RFLNA: variants seen among roughly 807,000 people sequenced by gnomAD.
The protein encoded by RFLNA is refilin-A.
In RFLNA, 5 loss-of-function variants were observed where a neutral mutation model predicts 7.8. The ratio of observed to expected loss-of-function variants is 0.64; its 90% confidence interval spans 0.34 to 1.35. The LOEUF is 1.35. Ranked by LOEUF, RFLNA falls within the 40% of genes most tolerant of loss-of-function variation. RFLNA has a pLI of 0.04. For synonymous variants in RFLNA, 141 were observed against 131.3 expected (o/e 1.07, Z -0.50); for missense variants, 278 against 305.5 (o/e 0.91, Z 0.67).
chr12:124,313,505 C>T (rs371273755), intron 2 of RFLNA, among the ~76,000 whole-genome samples: 15 of 152,138 alleles, frequency 9.9e-5, no homozygotes, highest in African/African-American at 3.4e-4. Flanking sequence ...GGTGAAACTC[C>T]GTCTCTACTA....
At chr12:124,293,291 G>T (rs959803998), upstream of RFLNA, among the ~76,000 whole-genome samples, 1 of 152,140 alleles carries the variant, frequency 6.6e-6, no homozygotes, top group East Asian at 1.9e-4. Flanking sequence ...CACCTTGCCC[G>T]CATCCTGCCC....
intron 1 of RFLNA, among the ~76,000 whole-genome samples, chr12:124,311,217 C>T (rs1266054499): frequency 6.6e-6 from 1 of 152,192 alleles, no homozygotes; most frequent in Non-Finnish European, 1.5e-5. Context: ...GATGTGGTGC[C>T]ATTTCTAGAA....
At chr12:124,295,970 G>A (rs2033901223) in intron 1 of RFLNA, among the ~76,000 whole-genome samples, 1 of 151,544 alleles carries the variant, frequency 6.6e-6, no homozygotes. Context: ...TGGCTAGGTG[G>A]GCTTGCGCCC....
At chr12:124,304,523 C>T (rs950191501) in intron 1 of RFLNA, among the ~76,000 whole-genome samples, 1 of 152,230 alleles carries the variant, frequency 6.6e-6, no homozygotes, top group Non-Finnish European at 1.5e-5. Context: ...CCTTTGTCGG[C>T]GCCCACGTTC....
At chr12:124,304,152 C>G (rs112129933) in intron 1 of RFLNA, among the ~76,000 whole-genome samples, 446 of 152,370 alleles carry the variant, frequency 2.9e-3, no homozygotes, top group African/African-American at 9.8e-3. Context: ...TTTCGATGTT[C>G]GAATAGCCCT....
chr12:124,314,166 C>T, intron 2 of RFLNA, 26 bp from the exon 3 acceptor site: 1 of 1,595,458 alleles, frequency 6.3e-7, no homozygotes, highest in African/African-American at 1.3e-5. Flanking sequence ...CCTGGGTTCA[C>T]TCCGCTTCCC....
intron 1 of RFLNA, among the ~76,000 whole-genome samples, chr12:124,309,412 A>G (rs2034197283): frequency 6.6e-6 from 1 of 152,216 alleles, no homozygotes; most frequent in Non-Finnish European, 1.5e-5. Flanking sequence ...TCTGTTTGCC[A>G]CCATGGCAGC....
chr12:124,311,713 C>G, intron 1 of RFLNA, 105 bp from the exon 2 acceptor site: 1 of 1,134,826 alleles, frequency 8.8e-7, no homozygotes, highest in Non-Finnish European at 1.2e-6. Flanking sequence ...GCTTCCAGAC[C>G]AAGCCAGGGC....
intron 1 of RFLNA, among the ~76,000 whole-genome samples, chr12:124,296,833 G>A (rs2033938000): frequency 6.6e-6 from 1 of 152,246 alleles, no homozygotes; most frequent in South Asian, 2.1e-4. Context: ...TCGGCATCAG[G>A]AGGGTTTCAG....
At chr12:124,311,977 T>A in intron 2 of RFLNA, 50 bp downstream of exon 2, 1 of 762,342 alleles carries the variant, frequency 1.3e-6, no homozygotes, top group Non-Finnish European at 2.1e-6. Flanking sequence ...GGGGGTTGGG[T>A]GCTGGTCCTG....
Position 124,302,846 on chromosome 12 carries a change from G to A in RFLNA, c.207+7210G>A, listed in dbSNP as rs546939573. On this transcript the variant is annotated intron_variant, in intron 1 of 2. Transcript: ENST00000546355. ...GGTCAGGGGCCGAGGTCAGAGGGCCGAGGTCAGGGGCCGAGGTCAGGGGCC... is the reference window on the plus strand; with the variant it reads ...GGTCAGGGGCCGAGGTCAGAGGGCCAAGGTCAGGGGCCGAGGTCAGGGGCC... 4.0e-3 allele frequency among the ~76,000 whole-genome samples: 570 copies of A among 141,874 alleles called. 2 individuals carry two copies. Among genetic ancestry groups the A allele is most frequent in the African/African-American group, 0.013 (540 of 40,066 alleles). 93.1% of individuals were successfully genotyped at this position (141,874 alleles called of 152,430 possible). A position where few individuals can be genotyped will look rare whatever the true frequency, so the allele number is the denominator to read the frequency against.
Position 124,296,030 on chromosome 12 carries a change from G to A in RFLNA, c.207+394G>A, listed in dbSNP as rs138541065. Reference sequence around the variant, plus strand: ...CTGGACCCGGCCCCTCTGCTGCTCCGGGTGCCCTGTTTACTGTCCGGGCGC... The same window carrying A: ...CTGGACCCGGCCCCTCTGCTGCTCCAGGTGCCCTGTTTACTGTCCGGGCGC... On this transcript the variant is annotated intron_variant, in intron 1 of 2. Coordinates refer to ENST00000546355, the MANE Select transcript of RFLNA (RefSeq NM_001365156.1). 7.3e-3 allele frequency among the ~76,000 whole-genome samples: 1,104 copies of A among 151,100 alleles called. 15 individuals are homozygous for A. The highest frequency in any genetic ancestry group is 0.025 in the African/African-American group (1,021 of 41,066).
chr12:124,312,316 A>C (rs969958084), intron 2 of RFLNA, among the ~76,000 whole-genome samples: 18 of 144,852 alleles, frequency 1.2e-4, no homozygotes, highest in African/African-American at 4.1e-4. Flanking sequence ...CTCCTGCCAG[A>C]TTTTTTTTTT....
rs796252406 is a variant in RFLNA at position 124,296,112 on chromosome 12, C to CT, written c.207+479dup. On this transcript the variant is annotated intron_variant, in intron 1 of 2. Coordinates refer to ENST00000546355, the MANE Select transcript of RFLNA (RefSeq NM_001365156.1). Reference sequence around the variant, plus strand: ...TCTTTCTTTCTTTCTTTCTTTCTTTCTTTCTTTCTTTCTCTCTCTCTCTCT... The same window carrying CT: ...TCTTTCTTTCTTTCTTTCTTTCTTTCTTTTCTTTCTTTCTCTCTCTCTCTCT... Among the ~76,000 whole-genome samples, 5 of 3,670 alleles carry CT rather than the reference C, an allele frequency of 1.4e-3. No homozygotes were observed. The Non-Finnish European group carries it at 0.017, about 13-fold the overall frequency. The allele number at this position is 3,670 out of a possible 152,430, so 2.4% of individuals were successfully genotyped here.
rs766898022 is a variant in RFLNA at position 124,314,543 on chromosome 12, C to T, written c.*18C>T. ...CGCTCTGACGGGGCTGGGGCCGGCC[C>T]GGGGTGCTGGAGGAGCCGGGAGCCC... On this transcript the variant is annotated 3_prime_UTR_variant, in exon 3 of 3. Transcript: ENST00000546355. 5.2e-5 allele frequency: 81 copies of T among 1,554,130 alleles called. No homozygotes were observed. Among genetic ancestry groups the T allele is most frequent in the Non-Finnish European group, 6.2e-5 (72 of 1,156,384 alleles).
At chr12:124,290,142 A>G (rs1000249135), upstream of RFLNA, among the ~76,000 whole-genome samples, 5 of 152,348 alleles carry the variant, frequency 3.3e-5, no homozygotes, top group African/African-American at 9.6e-5. The surrounding 1 kb of genome is among the most constrained non-coding windows in gnomAD (Gnocchi z 4.0). Flanking sequence ...GGCTCTCCCT[A>G]GGAAAGACAA....
Position 124,314,484 on chromosome 12 carries a change from C to T in RFLNA, c.610C>T (p.Gln204Ter). 6.3e-7 allele frequency: 1 copy of T among 1,596,520 alleles called. No individual in the cohort carries two copies. The highest frequency in any genetic ancestry group is 8.5e-7 in the Non-Finnish European group (1 of 1,178,476). Residue 204 changes from glutamine (Q) to a stop codon, truncating the protein, a stop_gained, in exon 3 of 3, where the codon CAG (glutamine) becomes TAG (stop). Coordinates refer to ENST00000546355, the MANE Select transcript of RFLNA (RefSeq NM_001365156.1). LOFTEE classifies it low-confidence loss of function (END_TRUNC). Reference protein sequence around the residue: ...FTASVQLQLCQDPAPSLLGPA... With the variant: ...FTASVQLQLC ...CGCCAGCGTGCAGCTGCAGCTTTGC[C>T]AGGACCCTGCCCCCAGCCTCCTGGG... is the stretch of plus-strand genomic sequence containing the variant.
In RFLNA at chr12:124,308,460, C is replaced by T. The variant is rs567059499; in HGVS notation, c.208-3358C>T. ...GGGGGACCCTGTTCTACCCACACTG[C>T]CCTTGTCCTTGGAAAGCCACCTCTG... On this transcript the variant is annotated intron_variant, in intron 1 of 2. Coordinates refer to ENST00000546355, the MANE Select transcript of RFLNA (RefSeq NM_001365156.1). Among the ~76,000 whole-genome samples the T allele has an allele frequency of 5.3e-5, 8 of 152,298 alleles. 1 individual carries two copies. The South Asian group carries it at 1.7e-3, about 32-fold the overall frequency.
intron 1 of RFLNA, among the ~76,000 whole-genome samples, chr12:124,299,791 G>A (rs562972244): frequency 6.7e-6 from 1 of 148,802 alleles, no homozygotes; most frequent in East Asian, 1.9e-4. Flanking sequence ...ATTTAAAGCG[G>A]GGTGGGTGAG....
Sources: gnomAD v4.1 joint callset for allele counts (sites outside exome capture counted in the v4.1 genomes callset) on GRCh38, gnomAD v4.1.1 for gene constraint, Gnocchi (gnomAD v3.1) non-coding constraint, MANE v1.5 for transcripts, NCBI Gene and HGNC (gene_info 2026-07-23, HGNC 2026-07-21) for gene names.